Variants in ATRNL1 observed in about 807,000 individuals in gnomAD.
The protein encoded by ATRNL1 is attractin-like protein 1.
A neutral mutation model predicts 182.7 loss-of-function variants in ATRNL1; 95 were observed. That is an observed-to-expected ratio of 0.52 (90% CI 0.44 to 0.62). The LOEUF is 0.62. ATRNL1 is among the 20% of genes least tolerant of loss of function. ATRNL1 has a pLI of 0.00. For synonymous variants in ATRNL1, 576 were observed against 568.3 expected, an observed-to-expected ratio of 1.01 and a Z score of -0.19; for missense variants, 1,471 against 1,679.5, an observed-to-expected ratio of 0.88 and a Z score of 2.17.
intron 21 of ATRNL1, among the ~76,000 whole-genome samples, chr10:115,451,258 A>G (rs1183700837): frequency 6.6e-6 from 1 of 152,244 alleles, no homozygotes; most frequent in Non-Finnish European, 1.5e-5. Flanking sequence ...ACAAAAGCAA[A>G]AATTGACAAG....
intron 13 of ATRNL1, among the ~76,000 whole-genome samples, chr10:115,268,759 G>A (rs189534864): frequency 1.3e-3 from 197 of 152,280 alleles, no homozygotes; most frequent in Admixed American, 3.7e-3. Context: ...ATGAAAATAA[G>A]ATTATATAGG....
chr10:115,765,130 A>G (rs567161318), intron 27 of ATRNL1, among the ~76,000 whole-genome samples: 1 of 152,296 alleles, frequency 6.6e-6, no homozygotes, highest in African/African-American at 2.4e-5. Context: ...TGCTGCTACA[A>G]ACATCCATGT....
intron 26 of ATRNL1, among the ~76,000 whole-genome samples, chr10:115,698,942 G>T (rs1000346271): frequency 2.3e-4 from 35 of 151,938 alleles, no homozygotes; most frequent in Non-Finnish European, 4.7e-4. Flanking sequence ...TACACTAAAG[G>T]AAATTTCATA....
In ATRNL1 at chr10:115,948,327, G is replaced by T. The variant is rs1432590205; in HGVS notation, c.*3548G>T. 6.6e-6 allele frequency: 1 copy of T among 152,138 alleles called. No individual in the cohort carries two copies. Among genetic ancestry groups the T allele is most frequent in the Non-Finnish European group, 1.5e-5 (1 of 68,016 alleles). 9.4% of individuals were successfully genotyped at this position (152,138 alleles called of 1,614,324 possible). A position where few individuals can be genotyped will look rare whatever the true frequency, so the allele number is the denominator to read the frequency against. ...TATACATGATACATCTTTTCTCAGTGAACATAAAACTATGATTTGAAAGGT... is the reference window on the plus strand; with the variant it reads ...TATACATGATACATCTTTTCTCAGTTAACATAAAACTATGATTTGAAAGGT... On this transcript the variant is annotated 3_prime_UTR_variant, in exon 29 of 29. Transcript: ENST00000355044.
chr10:115,634,796 T>C (rs1330378178), intron 26 of ATRNL1, among the ~76,000 whole-genome samples: 2 of 152,170 alleles, frequency 1.3e-5, no homozygotes, highest in Non-Finnish European at 2.9e-5. Context: ...AATGCAAATA[T>C]TGTCAGTGTC....
At chr10:115,671,663 A>T (rs1565270472) in intron 26 of ATRNL1, among the ~76,000 whole-genome samples, 1 of 152,142 alleles carries the variant, frequency 6.6e-6, no homozygotes, top group Non-Finnish European at 1.5e-5. Flanking sequence ...TTTGTGGGGT[A>T]GGTGAGGGCA....
chr10:115,873,690 T>C (rs1951636438), intron 28 of ATRNL1, among the ~76,000 whole-genome samples: 2 of 152,184 alleles, frequency 1.3e-5, no homozygotes, highest in Admixed American at 6.5e-5. Context: ...ACTGTATTGA[T>C]TGACTATTTA....
chr10:115,878,298 A>G (rs941269201), intron 28 of ATRNL1, among the ~76,000 whole-genome samples: 18 of 152,258 alleles, frequency 1.2e-4, no homozygotes, highest in South Asian at 8.3e-4. Context: ...GCTCATTACA[A>G]TGAAAGACAT....
At chr10:115,850,231 A>G (rs781977491) in intron 28 of ATRNL1, among the ~76,000 whole-genome samples, 27 of 152,200 alleles carry the variant, frequency 1.8e-4, no homozygotes, top group Non-Finnish European at 2.9e-5. Flanking sequence ...GAATACTGAT[A>G]TTCATTATAA....
intron 8 of ATRNL1, among the ~76,000 whole-genome samples, chr10:115,212,532 A>T (rs894856358): frequency 2.0e-5 from 3 of 152,048 alleles, no homozygotes; most frequent in African/African-American, 7.2e-5. Context: ...AAATTATTCT[A>T]TTATAAAGAC....
At chr10:115,446,797 T>G (rs1181428139) in intron 21 of ATRNL1, among the ~76,000 whole-genome samples, 1 of 151,906 alleles carries the variant, frequency 6.6e-6, no homozygotes, top group Non-Finnish European at 1.5e-5. Flanking sequence ...TTATATCTAT[T>G]TTACCTATTT....
intron 27 of ATRNL1, among the ~76,000 whole-genome samples, chr10:115,798,913 G>A (rs1472174077): frequency 4.1e-5 from 6 of 146,178 alleles, no homozygotes; most frequent in African/African-American, 1.3e-4. Context: ...CACAACCTCC[G>A]CTTCCTGGGC....
At chr10:115,856,320 G>A (rs1193116785) in intron 28 of ATRNL1, among the ~76,000 whole-genome samples, 5 of 150,480 alleles carry the variant, frequency 3.3e-5, no homozygotes, top group Non-Finnish European at 7.4e-5. Flanking sequence ...CCCAGCTACT[G>A]GGGAGGCTGA....
At chr10:115,302,152 AT>A in intron 17 of ATRNL1, 109 bp downstream of exon 17, 1 of 1,101,208 alleles carries the variant, frequency 9.1e-7, no homozygotes, top group Non-Finnish European at 1.3e-6. Flanking sequence ...ATGAGAAAAA[AT>A]ATTGTTACGG....
chr10:115,561,704 GGTGTGTGTGTGTGT>G (rs71010029), intron 26 of ATRNL1, among the ~76,000 whole-genome samples: 2 of 144,938 alleles, frequency 1.4e-5, no homozygotes, highest in Non-Finnish European at 3.0e-5. Flanking sequence ...TGTGTGTGTG[GGTGTGTGTGTGTGT>G]GTGTGTTTGT....
Position 115,243,781 on chromosome 10 carries a change from T to G in ATRNL1, c.1687+2056T>G, listed in dbSNP as rs781923543. 5.8e-4 allele frequency among the ~76,000 whole-genome samples: 88 copies of G among 152,140 alleles called. 1 individual carries two copies. Among genetic ancestry groups the G allele is most frequent in the Non-Finnish European group, 7.2e-4 (49 of 67,928 alleles). On this transcript the variant is annotated intron_variant, in intron 10 of 28. Coordinates refer to ENST00000355044, the MANE Select transcript of ATRNL1 (RefSeq NM_207303.4). ...TAGCATATTTTAAACAGTTTTACAT[T>G]TTAACAAAGGTTTTTTTTTATCCCC... is the stretch of plus-strand genomic sequence containing the variant.
chr10:115,521,271 A>T (rs2133707024), intron 25 of ATRNL1, among the ~76,000 whole-genome samples: 1 of 152,074 alleles, frequency 6.6e-6, no homozygotes, highest in African/African-American at 2.4e-5. Context: ...CTCCTGCCTC[A>T]GCTCCTGAGT....
intron 28 of ATRNL1, among the ~76,000 whole-genome samples, chr10:115,860,201 A>G (rs1360158538): frequency 6.6e-6 from 1 of 152,188 alleles, no homozygotes; most frequent in East Asian, 1.9e-4. Context: ...TGAGGGAATA[A>G]AGATTCTTGT....
At chr10:115,526,429 A>G (rs1030888520) in intron 25 of ATRNL1, among the ~76,000 whole-genome samples, 3 of 152,192 alleles carry the variant, frequency 2.0e-5, no homozygotes, top group East Asian at 1.9e-4. Context: ...GCAGGTATCA[A>G]TACAACATAA....
Sources: gnomAD v4.1 joint callset for allele counts (sites outside exome capture counted in the v4.1 genomes callset) on GRCh38, gnomAD v4.1.1 for gene constraint, MANE v1.5 for transcripts, NCBI Gene and HGNC (gene_info 2026-07-23, HGNC 2026-07-21) for gene names.